Variants in REEP2 observed in about 807,000 individuals in gnomAD.
The protein encoded by REEP2 is receptor accessory protein 2, also known as receptor expression-enhancing protein 2.
REEP2 carries 9 observed loss-of-function variants against 32.1 expected under a neutral mutation model. The observed-to-expected ratio is 0.28, with a 90% CI of 0.17 to 0.49. The LOEUF (loss-of-function observed/expected upper bound fraction) is 0.49, where lower values mean the gene tolerates loss of function less well. REEP2 is among the 20% of genes least tolerant of loss of function. REEP2 has a pLI of 0.99. For synonymous variants in REEP2, 128 were observed against 139.1 expected, an observed-to-expected ratio of 0.92 and a Z score of 0.56; for missense variants, 236 against 338.0, an observed-to-expected ratio of 0.70 and a Z score of 2.37.
chr5:138,445,038 G>C, intron 5 of REEP2, 171 bp downstream of exon 5: 1 of 788,412 alleles, frequency 1.3e-6, no homozygotes, highest in South Asian at 1.8e-5. Flanking sequence ...TTGATTGTCC[G>C]GCCATTTCCC....
rs1204701359 is a variant in REEP2 at position 138,446,452 on chromosome 5, A to G, written c.*701A>G. The G allele has an allele frequency of 6.6e-6, 1 of 152,498 alleles. No homozygotes were observed. Among genetic ancestry groups the G allele is most frequent in the Non-Finnish European group, 1.5e-5 (1 of 68,366 alleles). The allele number at this position is 152,498 out of a possible 1,614,324, so 9.4% of individuals were successfully genotyped here. ...AGTTTGGGTCAAGGACTGTCCCTCC[A>G]GCAGTCGCCTCCTCCCACCCTGAGC... On this transcript the variant is annotated 3_prime_UTR_variant, in exon 8 of 8. Coordinates refer to ENST00000378339, the MANE Select transcript of REEP2 (RefSeq NM_001271803.2).
intron 1 of REEP2, 112 bp from the exon 2 acceptor site, chr5:138,440,904 G>T: frequency 1.3e-6 from 2 of 1,572,948 alleles, no homozygotes; most frequent in South Asian, 2.3e-5. Flanking sequence ...CATCAGTCCA[G>T]CGGGGAGTTC....
In REEP2 at chr5:138,446,697, G is replaced by A. The variant is rs1354849217; in HGVS notation, c.*946G>A. 1 of 152,610 alleles carries A rather than the reference G, an allele frequency of 6.6e-6. No homozygotes were observed. Among genetic ancestry groups the A allele is most frequent in the Non-Finnish European group, 1.5e-5 (1 of 68,452 alleles). 9.5% of individuals were successfully genotyped at this position (152,610 alleles called of 1,614,324 possible). Reference sequence around the variant, plus strand: ...TGTCTGGTACAGGCCCCTGCTGAGTGGGCCCCTCTCCTCTGCCCCTGGGGT... The same window carrying A: ...TGTCTGGTACAGGCCCCTGCTGAGTAGGCCCCTCTCCTCTGCCCCTGGGGT... On this transcript the variant is annotated 3_prime_UTR_variant, in exon 8 of 8. Coordinates refer to ENST00000378339, the MANE Select transcript of REEP2 (RefSeq NM_001271803.2).
At chr5:138,442,193 G>A (rs1424374553) in intron 3 of REEP2, among the ~76,000 whole-genome samples, 2 of 152,148 alleles carry the variant, frequency 1.3e-5, no homozygotes, top group African/African-American at 4.8e-5. Context: ...TTGAGGACAG[G>A]GAATATGTCT....
At chr5:138,443,576 C>CT (rs1763868477) in intron 3 of REEP2, 1 of 151,844 alleles carries the variant, frequency 6.6e-6, no homozygotes, top group African/African-American at 2.4e-5. Flanking sequence ...GAATCTCACT[C>CT]TGTCATTCAG....
intron 5 of REEP2, 175 bp from the exon 6 acceptor site, chr5:138,445,053 T>A: frequency 1.2e-6 from 1 of 832,196 alleles, no homozygotes; most frequent in Non-Finnish European, 1.9e-6. Context: ...TTTCCCCATC[T>A]GTCCCCAGAG....
rs1011067860 is a variant in REEP2 at position 138,439,183 on chromosome 5, C to CG, written c.-25dup. 7.4e-7 allele frequency: 1 copy of CG among 1,356,528 alleles called. No homozygotes were observed. Among genetic ancestry groups the CG allele is most frequent in the African/African-American group, 1.5e-5 (1 of 66,454 alleles). The allele number at this position is 1,356,528 out of a possible 1,614,324, so 84.0% of individuals were successfully genotyped here. On this transcript the variant is annotated 5_prime_UTR_variant, in exon 1 of 8. Coordinates refer to ENST00000378339, the MANE Select transcript of REEP2 (RefSeq NM_001271803.2). ...TGCATCCTCGGCCGGGCCGGGTCCC[C>CG]GCCCCGCGCCGCGCCCGGCCCCGCC... is the stretch of plus-strand genomic sequence containing the variant.
intron 3 of REEP2, chr5:138,443,786 C>T (rs1006318774): frequency 3.9e-5 from 6 of 152,334 alleles, no homozygotes; most frequent in African/African-American, 1.4e-4. Flanking sequence ...ATGATCCTCC[C>T]ACCTTGGCTC....
At chr5:138,439,972 ACCATT>A (rs1763792052) in intron 1 of REEP2, 1 of 357,100 alleles carries the variant, frequency 2.8e-6, no homozygotes, top group South Asian at 2.1e-5. Context: ...GGGAACACAC[ACCATT>A]CCCCACGAGC....
At position 138,446,687 on chromosome 5, in the gene REEP2, C is replaced by T. The variant is rs1005843126; in HGVS notation, c.*936C>T. ...ACCCCTGCTCTGTCTGGTACAGGCCCCTGCTGAGTGGGCCCCTCTCCTCTG... is the reference window on the plus strand; with the variant it reads ...ACCCCTGCTCTGTCTGGTACAGGCCTCTGCTGAGTGGGCCCCTCTCCTCTG... On this transcript the variant is annotated 3_prime_UTR_variant, in exon 8 of 8. Coordinates refer to ENST00000378339, the MANE Select transcript of REEP2 (RefSeq NM_001271803.2). 2 of 152,712 alleles carry T rather than the reference C, an allele frequency of 1.3e-5. No homozygotes were observed. Among genetic ancestry groups the T allele is most frequent in the African/African-American group, 2.4e-5 (1 of 41,448 alleles). The allele number at this position is 152,712 out of a possible 1,614,324, so 9.5% of individuals were successfully genotyped here. A position where few individuals can be genotyped will look rare whatever the true frequency, so the allele number is the denominator to read the frequency against.
At chr5:138,439,906 C>T in intron 1 of REEP2, 1 of 385,326 alleles carries the variant, frequency 2.6e-6, no homozygotes, top group Non-Finnish European at 5.2e-6. Flanking sequence ...GCCTTCATTC[C>T]AGGCTGCCAG....
chr5:138,445,541 C>T lies in REEP2; in HGVS notation c.639C>T (p.Asp213=). The T allele has an allele frequency of 6.2e-7, 1 of 1,614,198 alleles. No individual in the cohort carries two copies. Among genetic ancestry groups the T allele is most frequent in the South Asian group, 1.1e-5 (1 of 91,088 alleles). ...ADSRTEASED[D]MGDKAPKRAK... is the part of the protein sequence containing the mutation. Reference sequence around the variant, plus strand: ...CCCGGACAGAGGCTTCTGAGGATGACATGGGAGACAAAGCTCCCAAGAGGG... The same window carrying T: ...CCCGGACAGAGGCTTCTGAGGATGATATGGGAGACAAAGCTCCCAAGAGGG... The change falls in exon 7 of 8, where the codon GAC becomes GAT. Residue 213 remains aspartate (D), a synonymous_variant. Coordinates refer to ENST00000378339, the MANE Select transcript of REEP2 (RefSeq NM_001271803.2).
In REEP2 at chr5:138,441,577, T is replaced by G. The variant is rs979812090; in HGVS notation, c.182+116T>G. 4.7e-6 allele frequency: 4 copies of G among 858,384 alleles called. No individual in the cohort carries two copies. The African/African-American group carries it at 5.0e-5, about 11-fold the overall frequency. The allele number at this position is 858,384 out of a possible 1,614,324, so 53.2% of individuals were successfully genotyped here. On this transcript the variant is annotated intron_variant, in intron 3 of 7. Transcript: ENST00000378339. The surrounding 1 kb of genome is among the most constrained non-coding windows in gnomAD (Gnocchi z 4.4). ...TGAAGCTCCTCCCATTCCTGACAAT[T>G]TCATGGGGTCCTTGATATCTCCCCT...
chr5:138,441,482 C>T lies in REEP2; in HGVS notation c.182+21C>T, dbSNP rs1763825790. 3 of 1,609,904 alleles carry T rather than the reference C, an allele frequency of 1.9e-6. No homozygotes were observed. The highest frequency in any genetic ancestry group is 2.6e-6 in the Non-Finnish European group (3 of 1,176,166). On this transcript the variant is annotated intron_variant, in intron 3 of 7. Transcript: ENST00000378339. This position sits in a 1 kb window ranked among gnomAD's most constrained non-coding sequence, Gnocchi z 4.4. Reference sequence around the variant, plus strand: ...TCCTGGTGAGGTCCAGCGTCCCCTCCTGTATCTCAGGGCCCAGGGCCTCTG... The same window carrying T: ...TCCTGGTGAGGTCCAGCGTCCCCTCTTGTATCTCAGGGCCCAGGGCCTCTG...
chr5:138,443,229 G>T (rs900585478), intron 3 of REEP2, among the ~76,000 whole-genome samples: 1 of 151,972 alleles, frequency 6.6e-6, no homozygotes, highest in South Asian at 2.1e-4. Context: ...GGAGGCCAAG[G>T]GGGGGCAGAT....
intron 5 of REEP2, 30 bp downstream of exon 5, chr5:138,444,897 G>C (rs1487315439): frequency 6.5e-7 from 1 of 1,544,290 alleles, no homozygotes; most frequent in East Asian, 2.3e-5. Context: ...AGACTCCCAG[G>C]GCCCCTACCT....
At position 138,441,565 on chromosome 5, in the gene REEP2, A is replaced by T; in HGVS notation, c.182+104A>T. The T allele has an allele frequency of 2.1e-6, 2 of 946,328 alleles. No individual in the cohort carries two copies. The highest frequency in any genetic ancestry group is 3.4e-6 in the Non-Finnish European group (2 of 592,162). The allele number at this position is 946,328 out of a possible 1,614,324, so 58.6% of individuals were successfully genotyped here. A position where few individuals can be genotyped will look rare whatever the true frequency, so the allele number is the denominator to read the frequency against. The stretch of plus-strand genomic sequence containing the variant: ...TGGGCCTGGGGGTGAAGCTCCTCCC[A>T]TTCCTGACAATTTCATGGGGTCCTT... On this transcript the variant is annotated intron_variant, in intron 3 of 7. Transcript: ENST00000378339. This position sits in a 1 kb window ranked among gnomAD's most constrained non-coding sequence, Gnocchi z 4.4.
Position 138,439,226 on chromosome 5 carries a change from C to T in REEP2, c.18C>T (p.Ile6=). The T allele has an allele frequency of 7.0e-7, 1 of 1,429,140 alleles. No individual in the cohort carries two copies. The highest frequency in any genetic ancestry group is 9.1e-7 in the Non-Finnish European group (1 of 1,095,456). The allele number at this position is 1,429,140 out of a possible 1,614,324, so 88.5% of individuals were successfully genotyped here. The part of the protein sequence containing the change: MVSWI[I]SRLVVLIFGT... ...GCCCCGCCATGGTGTCCTGGATCAT[C>T]TCTCGCCTGGTGGTGTGAGTGCGGC... The change falls in exon 1 of 8, where the codon ATC becomes ATT. Residue 6 remains isoleucine (I), a synonymous_variant. Transcript: ENST00000378339.
At position 138,441,169 on chromosome 5, in the gene REEP2, G is replaced by T. The variant is rs1763816783; in HGVS notation, c.105+81G>T. The T allele has an allele frequency of 1.3e-6, 2 of 1,569,164 alleles. No homozygotes were observed. Among genetic ancestry groups the T allele is most frequent in the Non-Finnish European group, 1.7e-6 (2 of 1,148,744 alleles). ...GCACTGGGTCCTATTACAGATGGGG[G>T]TGACTTTGCACCAACACTGTCAGCC... On this transcript the variant is annotated intron_variant, in intron 2 of 7. Transcript: ENST00000378339. The surrounding 1 kb of genome is among the most constrained non-coding windows in gnomAD (Gnocchi z 4.4).
Sources: gnomAD v4.1 joint callset for allele counts (sites outside exome capture counted in the v4.1 genomes callset) on GRCh38, gnomAD v4.1.1 for gene constraint, Gnocchi (gnomAD v3.1) non-coding constraint, MANE v1.5 for transcripts, NCBI Gene and HGNC (gene_info 2026-07-23, HGNC 2026-07-21) for gene names.